RGS6: variants seen among roughly 807,000 people sequenced by gnomAD.
The protein encoded by RGS6 is regulator of G-protein signaling 6.
RGS6 carries 30 observed loss-of-function variants against 78.5 expected under a neutral mutation model. The ratio of observed to expected loss-of-function variants is 0.38; its 90% CI spans 0.29 to 0.52. The LOEUF is 0.52. Among genes scored for constraint, RGS6 ranks in the 20% least tolerant of loss-of-function variants. RGS6 has a pLI of 0.85. For missense variants in RGS6, 495 were observed against 609.7 expected (o/e 0.81, Z 1.98); for synonymous variants, 206 against 206.0 (o/e 1.00, Z 0.00).
chr14:72,136,781 G>A (rs929943030), intron 2 of RGS6, among the ~76,000 whole-genome samples: 3 of 152,122 alleles, frequency 2.0e-5, no homozygotes, highest in African/African-American at 7.2e-5. Flanking sequence ...CTTTTTTAGG[G>A]AAGTGGTCTT....
At chr14:72,529,920 T>A (rs1249002988) in intron 15 of RGS6, among the ~76,000 whole-genome samples, 4 of 152,266 alleles carry the variant, frequency 2.6e-5, no homozygotes, top group Admixed American at 2.6e-4. Context: ...TTTGTCTTAT[T>A]CAGGCTGTTA....
At chr14:72,436,316 T>C (rs1185676681) in intron 3 of RGS6, among the ~76,000 whole-genome samples, 3 of 152,140 alleles carry the variant, frequency 2.0e-5, no homozygotes, top group African/African-American at 7.2e-5. Flanking sequence ...CCCTTAAAAC[T>C]ATACATGACT....
the RGS6 span, among the ~76,000 whole-genome samples, chr14:71,887,445 G>C: frequency 2.6e-5 from 4 of 152,166 alleles, no homozygotes; most frequent in South Asian, 2.1e-4. Context: ...ATAAGTGGAC[G>C]TGCAAGTAGG....
chr14:72,510,892 C>T (rs2096870483), intron 14 of RGS6, among the ~76,000 whole-genome samples: 1 of 152,060 alleles, frequency 6.6e-6, no homozygotes, highest in Non-Finnish European at 1.5e-5. Flanking sequence ...TCCTATTGGT[C>T]TATAACTAAT....
At chr14:71,894,520 T>C in the RGS6 span, among the ~76,000 whole-genome samples, 1 of 152,324 alleles carries the variant, frequency 6.6e-6, no homozygotes, top group South Asian at 2.1e-4. Context: ...GGAGCAGCTG[T>C]CCTTTCACCA....
intron 2 of RGS6, among the ~76,000 whole-genome samples, chr14:72,019,437 T>C (rs1202154182): frequency 6.6e-6 from 1 of 152,122 alleles, no homozygotes; most frequent in Non-Finnish European, 1.5e-5. Context: ...TCAAGAAAAA[T>C]CAGAAATTAG....
chr14:72,212,166 A>G (rs1401277865), intron 2 of RGS6, among the ~76,000 whole-genome samples: 1 of 152,228 alleles, frequency 6.6e-6, no homozygotes, highest in Non-Finnish European at 1.5e-5. Flanking sequence ...AGTACCCTCC[A>G]GACTCCTCAA....
chr14:72,345,030 C>T (rs2077748039), intron 2 of RGS6, among the ~76,000 whole-genome samples: 1 of 152,194 alleles, frequency 6.6e-6, no homozygotes, highest in Non-Finnish European at 1.5e-5. Context: ...TTCTTCCCCA[C>T]CTCCTGTGCA....
chr14:72,462,810 G>A (rs530941882), intron 6 of RGS6, among the ~76,000 whole-genome samples: 5 of 152,264 alleles, frequency 3.3e-5, no homozygotes, highest in African/African-American at 1.2e-4. Flanking sequence ...ATCTGTAAAT[G>A]AGGGGCCTGT....
At chr14:72,399,396 T>G (rs1452147099) in intron 3 of RGS6, among the ~76,000 whole-genome samples, 1 of 152,110 alleles carries the variant, frequency 6.6e-6, no homozygotes, top group East Asian at 1.9e-4. Context: ...TAGATCTTCC[T>G]CCATCCCTTT....
intron 2 of RGS6, among the ~76,000 whole-genome samples, chr14:72,121,812 G>A (rs780666912): frequency 6.6e-6 from 1 of 152,116 alleles, no homozygotes; most frequent in Non-Finnish European, 1.5e-5. Flanking sequence ...GACTGGAACT[G>A]CATCTTCACC....
intron 3 of RGS6, among the ~76,000 whole-genome samples, chr14:72,449,302 T>C (rs1475051506): frequency 6.6e-6 from 1 of 152,254 alleles, no homozygotes; most frequent in Non-Finnish European, 1.5e-5. Flanking sequence ...TATGATGTAC[T>C]GTATAATCCA....
At chr14:72,148,364 C>A (rs902954910) in intron 2 of RGS6, among the ~76,000 whole-genome samples, 1 of 152,068 alleles carries the variant, frequency 6.6e-6, no homozygotes, top group African/African-American at 2.4e-5. Context: ...TGCCACTGCA[C>A]TCCAGCCTGG....
rs150075027 is a variant in RGS6 at position 72,491,711 on chromosome 14, C to A, written c.855-3441C>A. 2.2e-3 allele frequency among the ~76,000 whole-genome samples: 342 copies of A among 152,182 alleles called. 5 individuals carry two copies. Among genetic ancestry groups the A allele is most frequent in the African/African-American group, 8.0e-3 (332 of 41,510 alleles). On this transcript the variant is annotated intron_variant, in intron 12 of 17. Transcript: ENST00000553525. ...TCAAAATTTAATAAAAAAGAAAGTG[C>A]ATAGGGACAGAGTAAAGAACATTCT... is the stretch of plus-strand genomic sequence containing the variant.
chr14:72,527,004 T>A (rs2097128253), intron 15 of RGS6, among the ~76,000 whole-genome samples: 1 of 152,242 alleles, frequency 6.6e-6, no homozygotes, highest in Non-Finnish European at 1.5e-5. Flanking sequence ...TACAGACTTA[T>A]GACTTCCTAA....
At chr14:72,019,999 C>A (rs935442172) in intron 2 of RGS6, among the ~76,000 whole-genome samples, 2 of 152,148 alleles carry the variant, frequency 1.3e-5, no homozygotes, top group African/African-American at 4.8e-5. Flanking sequence ...CCTGACCTGT[C>A]GGGGAGAGGT....
At chr14:72,463,714 C>T (rs1227801525) in intron 6 of RGS6, among the ~76,000 whole-genome samples, 1 of 152,250 alleles carries the variant, frequency 6.6e-6, no homozygotes, top group African/African-American at 2.4e-5. Context: ...CCTCCACTGA[C>T]CTGCACTGCT....
At chr14:72,171,610 C>A (rs1278397680) in intron 2 of RGS6, among the ~76,000 whole-genome samples, 1 of 152,170 alleles carries the variant, frequency 6.6e-6, no homozygotes, top group Non-Finnish European at 1.5e-5. Context: ...GGAGTATTCA[C>A]CTTCTGAAGT....
chr14:72,605,759 C>G, the RGS6 span, among the ~76,000 whole-genome samples: 1 of 152,156 alleles, frequency 6.6e-6, no homozygotes, highest in African/African-American at 2.4e-5. Flanking sequence ...ATCAGACCCC[C>G]TTGGCAAAAG....
Sources: allele counts gnomAD v4.1 joint callset (sites outside exome capture counted in the v4.1 genomes callset), GRCh38; gene constraint gnomAD v4.1.1; transcripts MANE v1.5; gene names NCBI Gene and HGNC (gene_info 2026-07-23, HGNC 2026-07-21).